AKAP6: variants seen among roughly 807,000 people sequenced by gnomAD.
AKAP6 encodes the protein A-kinase anchoring protein 6, also known as A-kinase anchor protein 6.
In AKAP6, 58 loss-of-function variants were observed where a neutral mutation model predicts 188.5. The observed-to-expected ratio is 0.31, with a 90% confidence interval of 0.25 to 0.38. The LOEUF (loss-of-function observed/expected upper bound fraction) is 0.38. Ranked by LOEUF, AKAP6 falls within the 10% of genes least tolerant of loss-of-function variation. The pLI is 1.00. For missense variants in AKAP6, 2,710 were observed against 2,740.0 expected, an observed-to-expected ratio of 0.99 and a Z score of 0.24; for synonymous variants, 989 against 998.6, an observed-to-expected ratio of 0.99 and a Z score of 0.18.
intron 9 of AKAP6, among the ~76,000 whole-genome samples, chr14:32,696,503 G>A (rs1478690559): frequency 6.6e-6 from 1 of 152,116 alleles, no homozygotes; most frequent in Admixed American, 6.6e-5. Context: ...GATCTTCCCA[G>A]GGAAAAAAGA....
In AKAP6 at chr14:32,824,464, C is replaced by G. The variant is rs2034624217; in HGVS notation, c.6651C>G (p.Ser2217=). The G allele has an allele frequency of 6.2e-7, 1 of 1,613,952 alleles. No homozygotes were observed. The highest frequency in any genetic ancestry group is 1.3e-5 in the African/African-American group (1 of 75,042). Residue 2217 remains serine (S), a synonymous_variant, in exon 13 of 14, where the codon TCC becomes TCG. Coordinates refer to ENST00000280979, the MANE Select transcript of AKAP6 (RefSeq NM_004274.5). The part of the protein sequence containing the change: ...DADTVALSSP[S]SQERAEVGKE... ...ATACAGTGGCTCTTTCAAGTCCTTCCTCTCAGGAAAGAGCTGAGGTTGGAA... is the reference window on the plus strand; with the variant it reads ...ATACAGTGGCTCTTTCAAGTCCTTCGTCTCAGGAAAGAGCTGAGGTTGGAA...
intron 1 of AKAP6, among the ~76,000 whole-genome samples, chr14:32,366,577 T>G (rs901691646): frequency 3.3e-5 from 5 of 152,198 alleles, no homozygotes; most frequent in Non-Finnish European, 7.3e-5. Flanking sequence ...AACCAAGCCC[T>G]CTAGGTTTTA....
intron 5 of AKAP6, among the ~76,000 whole-genome samples, chr14:32,581,923 A>G (rs1884987318): frequency 6.6e-6 from 1 of 152,192 alleles, no homozygotes; most frequent in Admixed American, 6.5e-5. Context: ...AATACAGCAC[A>G]CGGATGGGTC....
At chr14:32,587,648 A>G (rs1403753163) in intron 5 of AKAP6, among the ~76,000 whole-genome samples, 1 of 152,214 alleles carries the variant, frequency 6.6e-6, no homozygotes, top group Non-Finnish European at 1.5e-5. Flanking sequence ...TTAGAGAGAC[A>G]TGCCAGCCGT....
Position 32,717,608 on chromosome 14 carries a change from T to TCACACACA in AKAP6, c.3001-14825_3001-14818dup, listed in dbSNP as rs57925449. Among the ~76,000 whole-genome samples the TCACACACA allele has an allele frequency of 6.4e-3, 941 of 147,824 alleles. 13 individuals carry two copies. The highest frequency in any genetic ancestry group is 0.022 in the African/African-American group (895 of 40,222). On this transcript the variant is annotated intron_variant, in intron 9 of 13. Transcript: ENST00000280979. ...TTACTTTTATCACTCTTGTCTCTTATCACACACACACACACACACACACAC... is the reference window on the plus strand; with the variant it reads ...TTACTTTTATCACTCTTGTCTCTTATCACACACACACACACACACACACACACACACAC...
At chr14:32,472,586 G>A (rs1239525673) in intron 2 of AKAP6, among the ~76,000 whole-genome samples, 4 of 152,306 alleles carry the variant, frequency 2.6e-5, no homozygotes, top group African/African-American at 7.2e-5. Flanking sequence ...GAGAGGCATT[G>A]TGGAGAATGC....
chr14:32,545,736 T>G lies in AKAP6; in HGVS notation c.1083T>G (p.Pro361=). 6.2e-7 allele frequency: 1 copy of G among 1,614,216 alleles called. No homozygotes were observed. ...ATCATGATGCAAAGAATCAGCAGCCTGTTCCTTGTGAAAATGCAACCCCCA... is the reference window on the plus strand; with the variant it reads ...ATCATGATGCAAAGAATCAGCAGCCGGTTCCTTGTGAAAATGCAACCCCCA... ...SSHHDAKNQQ[P]VPCENATPKR... The change falls in exon 4 of 14, where the codon CCT becomes CCG. Residue 361 remains proline, a synonymous_variant. Transcript: ENST00000280979.
At chr14:32,771,832 C>CT (rs2032907312) in intron 11 of AKAP6, among the ~76,000 whole-genome samples, 1 of 152,142 alleles carries the variant, frequency 6.6e-6, no homozygotes, top group Non-Finnish European at 1.5e-5. Context: ...TTTTCTAGGC[C>CT]TTTACGCTTA....
At chr14:32,334,528 G>A (rs921496547) in intron 1 of AKAP6, among the ~76,000 whole-genome samples, 6 of 152,198 alleles carry the variant, frequency 3.9e-5, no homozygotes, top group African/African-American at 1.2e-4. Flanking sequence ...CAATTGTTCT[G>A]TTTTATTATT....
intron 12 of AKAP6, among the ~76,000 whole-genome samples, chr14:32,785,230 C>T (rs1009369689): frequency 6.6e-6 from 1 of 151,864 alleles, no homozygotes; most frequent in African/African-American, 2.4e-5. Context: ...AGAAGAAATA[C>T]ATGAATAGAA....
intron 10 of AKAP6, among the ~76,000 whole-genome samples, 162 bp from the exon 11 acceptor site, chr14:32,735,496 G>C (rs1417462775): frequency 2.0e-5 from 3 of 152,086 alleles, no homozygotes; most frequent in African/African-American, 7.2e-5. Flanking sequence ...TCAGTAGTGA[G>C]GTGGCAGGTA....
At chr14:32,717,445 T>G (rs190794891) in intron 9 of AKAP6, among the ~76,000 whole-genome samples, 15 of 152,282 alleles carry the variant, frequency 9.9e-5, no homozygotes, top group Middle Eastern at 3.4e-3. Context: ...TTTTAGGATT[T>G]ATTCCCTGTA....
intron 2 of AKAP6, among the ~76,000 whole-genome samples, chr14:32,469,319 G>T (rs1222171128): frequency 6.6e-6 from 1 of 152,114 alleles, no homozygotes; most frequent in Non-Finnish European, 1.5e-5. Context: ...ATGATCACTA[G>T]CATTCCCCCA....
chr14:32,472,537 C>A (rs1878838828), intron 2 of AKAP6, among the ~76,000 whole-genome samples: 1 of 152,168 alleles, frequency 6.6e-6, no homozygotes, highest in East Asian at 1.9e-4. Context: ...TTACAGCAGA[C>A]TGATCCCTGT....
At chr14:32,651,566 A>C (rs1467356890) in intron 7 of AKAP6, among the ~76,000 whole-genome samples, 2 of 152,180 alleles carry the variant, frequency 1.3e-5, no homozygotes, top group Non-Finnish European at 1.5e-5. Flanking sequence ...TCCAGTCTTC[A>C]CTTCCAAGAT....
At chr14:32,541,495 T>C (rs1370550903) in intron 3 of AKAP6, among the ~76,000 whole-genome samples, 1 of 152,112 alleles carries the variant, frequency 6.6e-6, no homozygotes, top group African/African-American at 2.4e-5. Context: ...CAAAGGCAGG[T>C]GGCTGACACT....
chr14:32,463,244 G>A (rs12886735), intron 2 of AKAP6, among the ~76,000 whole-genome samples: 33,344 of 151,952 alleles, frequency 0.22, 4,661 homozygotes, highest in Middle Eastern at 0.35. Flanking sequence ...TCTGGACTAA[G>A]CAGACCTAAC....
At chr14:32,367,878 T>G (rs1047854223) in intron 1 of AKAP6, among the ~76,000 whole-genome samples, 1 of 152,194 alleles carries the variant, frequency 6.6e-6, no homozygotes, top group Admixed American at 6.5e-5. Context: ...CAGCTTTACA[T>G]CTCCACCAAC....
intron 11 of AKAP6, among the ~76,000 whole-genome samples, chr14:32,752,977 A>G (rs2032196965): frequency 6.6e-6 from 1 of 152,146 alleles, no homozygotes; most frequent in Admixed American, 6.6e-5. Flanking sequence ...GGTTTTTTCC[A>G]TATCTTGATT....
Sources: allele counts gnomAD v4.1 joint callset (sites outside exome capture counted in the v4.1 genomes callset), GRCh38; gene constraint gnomAD v4.1.1; transcripts MANE v1.5; gene names NCBI Gene and HGNC (gene_info 2026-07-23, HGNC 2026-07-21).